The following PELI2 variants were observed in gnomAD, a reference collection of about 807,000 sequenced individuals.
PELI2 encodes E3 ubiquitin-protein ligase pellino homolog 2.
A neutral mutation model predicts 42.3 loss-of-function variants in PELI2; 23 were observed. The observed-to-expected ratio is 0.54, with a 90% CI of 0.39 to 0.77. The LOEUF is 0.77. Among genes scored for constraint, PELI2 ranks in the 30% least tolerant of loss-of-function variants. PELI2 has a pLI of 0.00. For synonymous variants in PELI2, 245 were observed against 212.2 expected, an observed-to-expected ratio of 1.15 and a Z score of -1.34; for missense variants, 463 against 553.2, an observed-to-expected ratio of 0.84 and a Z score of 1.64.
In PELI2 at chr14:56,299,555, C is replaced by T. The variant is rs1292803741; in HGVS notation, c.*2389C>T. 1.3e-5 allele frequency: 2 copies of T among 152,164 alleles called. No individual in the cohort carries two copies. Among genetic ancestry groups the T allele is most frequent in the African/African-American group, 4.8e-5 (2 of 41,440 alleles). 9.4% of individuals were successfully genotyped at this position (152,164 alleles called of 1,614,324 possible). ...GGTGGCAAATCAGCAAAAAGGACACCAGGCTCTTCTTGGCCACTTGTAGGA... is the reference window on the plus strand; with the variant it reads ...GGTGGCAAATCAGCAAAAAGGACACTAGGCTCTTCTTGGCCACTTGTAGGA... On this transcript the variant is annotated 3_prime_UTR_variant, in exon 6 of 6. Coordinates refer to ENST00000267460, the MANE Select transcript of PELI2 (RefSeq NM_021255.3).
chr14:56,147,156 C>T (rs1884154804), intron 1 of PELI2, among the ~76,000 whole-genome samples: 1 of 152,144 alleles, frequency 6.6e-6, no homozygotes, highest in Non-Finnish European at 1.5e-5. Context: ...AAGTGATATT[C>T]CATTGTATAT....
chr14:56,234,846 G>C (rs1264801338), intron 2 of PELI2, among the ~76,000 whole-genome samples: 3 of 152,264 alleles, frequency 2.0e-5, no homozygotes, highest in Admixed American at 6.5e-5. Flanking sequence ...GAAGGCAATG[G>C]AGCATGGAGT....
intron 1 of PELI2, among the ~76,000 whole-genome samples, chr14:56,151,289 G>A (rs1423583664): frequency 6.6e-6 from 1 of 152,040 alleles, no homozygotes; most frequent in Non-Finnish European, 1.5e-5. Flanking sequence ...TCTAGCCAGT[G>A]CATTGTTGTG....
rs764937357 is a variant in PELI2 at position 56,216,229 on chromosome 14, G to T, written c.207+37765G>T. On this transcript the variant is annotated intron_variant, in intron 2 of 5. Coordinates refer to ENST00000267460, the MANE Select transcript of PELI2 (RefSeq NM_021255.3). ...TGGGGCTCCTTGGCCAGGGAGTCAG[G>T]CAGAGGCTATTCAAGGTCAAGGGGA... 3.5e-4 allele frequency among the ~76,000 whole-genome samples: 53 copies of T among 152,196 alleles called. 2 individuals are homozygous for T. The highest frequency in any genetic ancestry group is 7.1e-4 in the Non-Finnish European group (48 of 68,032).
chr14:56,260,139 A>C (rs1482032184), intron 2 of PELI2, among the ~76,000 whole-genome samples: 1 of 152,080 alleles, frequency 6.6e-6, no homozygotes, highest in Non-Finnish European at 1.5e-5. Flanking sequence ...TATTTGCTGT[A>C]TGACCCAGCA....
chr14:56,178,274 CTT>C, intron 1 of PELI2, 59 bp from the exon 2 acceptor site: 1 of 1,579,118 alleles, frequency 6.3e-7, no homozygotes, highest in South Asian at 1.1e-5. Flanking sequence ...ATACCTCTAA[CTT>C]TTATGTTTAA....
chr14:56,229,274 A>G (rs1887471919), intron 2 of PELI2, among the ~76,000 whole-genome samples: 1 of 152,236 alleles, frequency 6.6e-6, no homozygotes, highest in South Asian at 2.1e-4. Context: ...TTGAGATCTG[A>G]GAACGGACAG....
intron 2 of PELI2, among the ~76,000 whole-genome samples, chr14:56,252,662 C>T (rs557770620): frequency 5.4e-4 from 82 of 151,818 alleles, no homozygotes; most frequent in African/African-American, 1.9e-3. Context: ...GAGAGCGAGA[C>T]GTCTGGAAAA....
intron 2 of PELI2, among the ~76,000 whole-genome samples, chr14:56,192,044 C>T (rs922873290): frequency 5.9e-5 from 9 of 151,996 alleles, no homozygotes; most frequent in African/African-American, 9.7e-5. Context: ...TAGTAGAGAC[C>T]GGGTTTCGCC....
intron 2 of PELI2, among the ~76,000 whole-genome samples, chr14:56,204,599 A>C (rs924359654): frequency 6.6e-6 from 1 of 151,996 alleles, no homozygotes; most frequent in African/African-American, 2.4e-5. Flanking sequence ...ATGGGTGTGG[A>C]GCTCGGAAGT....
At chr14:56,174,252 C>T (rs1419748497) in intron 1 of PELI2, among the ~76,000 whole-genome samples, 1 of 152,148 alleles carries the variant, frequency 6.6e-6, no homozygotes, top group African/African-American at 2.4e-5. Flanking sequence ...ACATAGATCC[C>T]CATGGCTATG....
chr14:56,282,087 C>A (rs1594712183), intron 3 of PELI2, among the ~76,000 whole-genome samples: 1 of 152,072 alleles, frequency 6.6e-6, no homozygotes, highest in Admixed American at 6.5e-5. Flanking sequence ...TACCTACATG[C>A]GCAACGCCAT....
At chr14:56,157,689 A>G (rs242411) in intron 1 of PELI2, among the ~76,000 whole-genome samples, 127,143 of 152,196 alleles carry the variant, frequency 0.84, 53,613 homozygotes, top group African/African-American at 0.95. Context: ...AGTTGGATTT[A>G]CTCGATCTGG....
At chr14:56,188,248 T>G (rs932209661) in intron 2 of PELI2, among the ~76,000 whole-genome samples, 1 of 152,240 alleles carries the variant, frequency 6.6e-6, no homozygotes, top group South Asian at 2.1e-4. Context: ...AAGCACACTT[T>G]GTTGAATGAG....
intron 1 of PELI2, among the ~76,000 whole-genome samples, chr14:56,169,456 T>G (rs1164542861): frequency 6.6e-6 from 1 of 152,166 alleles, no homozygotes; most frequent in Non-Finnish European, 1.5e-5. Flanking sequence ...GGTGTTCCTT[T>G]TGCTCTAACA....
chr14:56,185,838 GAATTAT>G (rs915225775), intron 2 of PELI2, among the ~76,000 whole-genome samples: 4 of 152,038 alleles, frequency 2.6e-5, no homozygotes, highest in Non-Finnish European at 5.9e-5. Context: ...GGTCTGGGTA[GAATTAT>G]TCATTGTTTT....
intron 2 of PELI2, among the ~76,000 whole-genome samples, chr14:56,276,445 TGCA>T (rs1889294779): frequency 6.6e-6 from 1 of 152,138 alleles, no homozygotes; most frequent in South Asian, 2.1e-4. Flanking sequence ...TTTCCATAGG[TGCA>T]GCATGTTGGA....
In PELI2 at chr14:56,296,728, G is replaced by A. The variant is rs180748503; in HGVS notation, c.825G>A (p.Gln275=). 4 of 1,614,124 alleles carry A rather than the reference G, an allele frequency of 2.5e-6. No individual in the cohort carries two copies. In the African/African-American group the frequency reaches 4.0e-5, roughly 16 times the overall value. Reference sequence around the variant, plus strand: ...AGAAGCACATAGAAGCCCTCCGGCAGGAGATTAACGCCGCCCGGCCTCAGT... The same window carrying A: ...AGAAGCACATAGAAGCCCTCCGGCAAGAGATTAACGCCGCCCGGCCTCAGT... ...PTQKHIEALR[Q]EINAARPQCP... is the part of the protein sequence containing the mutation. The change falls in exon 6 of 6, where the codon CAG becomes CAA. Residue 275 remains glutamine, a synonymous_variant. Transcript: ENST00000267460.
chr14:56,146,051 CAGA>C (rs893961286), intron 1 of PELI2, among the ~76,000 whole-genome samples: 2 of 152,160 alleles, frequency 1.3e-5, no homozygotes, highest in African/African-American at 4.8e-5. Context: ...TTTGCTAAAA[CAGA>C]AGGACTGTTT....
Sources: gnomAD v4.1 joint callset for allele counts (sites outside exome capture counted in the v4.1 genomes callset) on GRCh38, gnomAD v4.1.1 for gene constraint, MANE v1.5 for transcripts, NCBI Gene and HGNC (gene_info 2026-07-23, HGNC 2026-07-21) for gene names.